DICER1: variants seen among roughly 807,000 people sequenced by gnomAD.
DICER1 encodes the protein endoribonuclease Dicer.
In DICER1, 43 loss-of-function variants were observed where a neutral mutation model predicts 194.1. The observed-to-expected ratio is 0.22, with a 90% CI of 0.17 to 0.29. DICER1 has a LOEUF of 0.29. DICER1 is among the 10% of genes least tolerant of loss of function. The pLI, the probability that DICER1 is intolerant of heterozygous loss-of-function variation, is 1.00. For missense variants in DICER1, 1,608 were observed against 2,317.0 expected, an observed-to-expected ratio of 0.69 and a Z score of 6.28; for synonymous variants, 832 against 820.5, an observed-to-expected ratio of 1.01 and a Z score of -0.24.
chr14:95,132,741 AT>A, intron 2 of DICER1, 64 bp from the exon 3 acceptor site: 1 of 1,506,194 alleles, frequency 6.6e-7, no homozygotes, highest in Non-Finnish European at 9.2e-7. Context: ...ATAAAATTGG[AT>A]TTTATTTTAA....
chr14:95,121,396 T>C (rs1463976294), intron 8 of DICER1, among the ~76,000 whole-genome samples: 5 of 152,322 alleles, frequency 3.3e-5, no homozygotes, highest in African/African-American at 1.2e-4. Context: ...GAGTTAATAG[T>C]AATGGGCCAA....
chr14:95,155,222 A>T (rs942549191), intron 1 of DICER1, among the ~76,000 whole-genome samples: 2 of 152,230 alleles, frequency 1.3e-5, no homozygotes, highest in African/African-American at 4.8e-5. Context: ...ATCTTGGCGC[A>T]TAACAAGGAG....
intron 25 of DICER1, 24 bp from the exon 26 acceptor site, chr14:95,091,133 T>G (rs1365602659): frequency 6.2e-7 from 1 of 1,613,846 alleles, no homozygotes; most frequent in Non-Finnish European, 8.5e-7. Context: ...GAAAGAATAA[T>G]ATGAATAATA....
chr14:95,106,345 C>A, intron 17 of DICER1, 122 bp from the exon 18 acceptor site: 1 of 763,056 alleles, frequency 1.3e-6, no homozygotes, highest in East Asian at 2.7e-5. Context: ...AAATAAGTAA[C>A]AATAAACATC....
intron 6 of DICER1, 50 bp downstream of exon 6, chr14:95,129,422 T>C (rs1263477613): frequency 8.9e-6 from 14 of 1,571,140 alleles, no homozygotes; most frequent in Non-Finnish European, 1.2e-5. Context: ...AAAGACTTAA[T>C]ATTGTTTTCA....
rs537009606 is a variant in DICER1, at chr14:95,087,533, AC to A, written c.*2964del. 100 of 233,050 alleles carry A rather than the reference AC, an allele frequency of 4.3e-4. No individual in the cohort carries two copies. The highest frequency in any genetic ancestry group is 7.3e-4 in the Non-Finnish European group (86 of 118,022). 14.4% of individuals were successfully genotyped at this position (233,050 alleles called of 1,614,324 possible). On this transcript the variant is annotated 3_prime_UTR_variant, in exon 27 of 27. Coordinates refer to ENST00000343455, the MANE Select transcript of DICER1 (RefSeq NM_177438.3). ...TAAATCAAAACAGCAGCAAGGCCAA[AC>A]CACATTTTTTTCCTCTCTGTTAAGC...
Position 95,129,566 on chromosome 14 carries a change from AT to A in DICER1, c.639del (p.Lys213AsnfsTer14). 6.2e-7 allele frequency: 1 copy of A among 1,613,776 alleles called. No homozygotes were observed. The highest frequency in any genetic ancestry group is 8.5e-7 in the Non-Finnish European group (1 of 1,179,870). ...TTTTCTTCCAATTCCTCTGGATCAC[AT>A]TTCCCATTTAAAATGGAAGCAGTTA... ...LGLTASILNG[K>X]CDPEELEEKI... is the part of the protein sequence containing the mutation. On this transcript the variant is annotated frameshift_variant, in exon 6 of 27. Transcript: ENST00000343455. LOFTEE classifies it high-confidence loss of function.
chr14:95,099,652 T>C, intron 22 of DICER1, 128 bp downstream of exon 22: 1 of 1,248,976 alleles, frequency 8.0e-7, no homozygotes, highest in South Asian at 1.6e-5. Flanking sequence ...ATCTACTCTA[T>C]TATAAACATA....
At chr14:95,154,973 G>GTCAC (rs1472561845) in intron 1 of DICER1, among the ~76,000 whole-genome samples, 6 of 151,974 alleles carry the variant, frequency 3.9e-5, no homozygotes, top group Non-Finnish European at 8.8e-5. Flanking sequence ...TAACTGAGGA[G>GTCAC]TCACTACACG....
At chr14:95,115,623 T>C in intron 11 of DICER1, 44 bp downstream of exon 11, 3 of 1,607,730 alleles carry the variant, frequency 1.9e-6, no homozygotes, top group Non-Finnish European at 2.6e-6. Flanking sequence ...ACTTAAACTG[T>C]GCAACATTCC....
Position 95,105,257 on chromosome 14 carries a change from G to T in DICER1, c.3094-11C>A, listed in dbSNP as rs1891311395. 1 of 1,611,090 alleles carries T rather than the reference G, an allele frequency of 6.2e-7. No individual in the cohort carries two copies. Among genetic ancestry groups the T allele is most frequent in the Non-Finnish European group, 8.5e-7 (1 of 1,178,030 alleles). The stretch of plus-strand genomic sequence containing the variant: ...TTCTGGAACCAGTATCTTCAAGTAA[G>T]GGGAAAAATGGACAGATAAATACAA... On this transcript the variant is annotated splice_polypyrimidine_tract_variant and intron_variant, in intron 19 of 26. Coordinates refer to ENST00000343455, the MANE Select transcript of DICER1 (RefSeq NM_177438.3). This position sits in a 1 kb window ranked among gnomAD's most constrained non-coding sequence, Gnocchi z 4.9.
At chr14:95,130,341 T>C (rs949182880) in intron 4 of DICER1, 149 bp from the exon 5 acceptor site, 8 of 728,276 alleles carry the variant, frequency 1.1e-5, no homozygotes, top group Non-Finnish European at 1.4e-5. Context: ...ATACATATAA[T>C]TTTATACATC....
rs752424727 is a variant in DICER1 at position 95,115,796 on chromosome 14, G to A, written c.1778C>T (p.Ser593Leu). The part of the protein sequence containing the change: ...EKILRNKCSK[S>L]VDTGETDIDP... ...AATGTCAGTCTCACCAGTATCAACC[G>A]ACTTGGAACACTTGTTTCTCAAGAT... is the stretch of plus-strand genomic sequence containing the variant. Residue 593 changes from serine to leucine, a missense_variant, in exon 11 of 27, where the codon TCG (serine) becomes TTG (leucine). By Grantham distance (145) the Ser-to-Leu change is moderately radical. This residue lies in a region of DICER1 where 657 missense variants were observed against 910.1 expected (regional missense o/e 0.72). Coordinates refer to ENST00000343455, the MANE Select transcript of DICER1 (RefSeq NM_177438.3). The A allele has an allele frequency of 2.5e-6, 4 of 1,613,946 alleles. No homozygotes were observed. The highest frequency in any genetic ancestry group is 1.1e-5 in the South Asian group (1 of 91,086).
At chr14:95,116,309 C>T in intron 10 of DICER1, 144 bp downstream of exon 10, 1 of 1,034,978 alleles carries the variant, frequency 9.7e-7, no homozygotes, top group South Asian at 1.5e-5. Flanking sequence ...AACTTCCTTA[C>T]AATGTACACA....
chr14:95,110,661 T>C (rs1282167892), intron 14 of DICER1, among the ~76,000 whole-genome samples: 2 of 152,140 alleles, frequency 1.3e-5, no homozygotes, highest in South Asian at 2.1e-4. Flanking sequence ...AAATTCTGCT[T>C]TTGCTTGGGG....
Position 95,104,267 on chromosome 14 carries a change from T to A in DICER1, c.3270-141A>T. Reference sequence around the variant, plus strand: ...TTAGAATAGAAGCAAGTTTCCAAATTTTTAATTTACAGTGTAAATTATAAA... The same window carrying A: ...TTAGAATAGAAGCAAGTTTCCAAATATTTAATTTACAGTGTAAATTATAAA... On this transcript the variant is annotated intron_variant, in intron 20 of 26. Coordinates refer to ENST00000343455, the MANE Select transcript of DICER1 (RefSeq NM_177438.3). The A allele has an allele frequency of 1.3e-5, 9 of 718,908 alleles. No homozygotes were observed. The South Asian group carries it at 1.6e-4, about 13-fold the overall frequency. 44.5% of individuals were successfully genotyped at this position (718,908 alleles called of 1,614,324 possible).
At position 95,137,516 on chromosome 14, in the gene DICER1, AAAAGGGAAAGGGG is replaced by A. The variant is rs1282849106; in HGVS notation, c.-45-4026_-45-4014del. ...GGGAAGGGAAAGGGGAAGGGGAAGG[AAAAGGGAAAGGGG>A]AAAGGGAAAGAAAAAGGGGAAGGGA... On this transcript the variant is annotated intron_variant, in intron 1 of 26. Coordinates refer to ENST00000343455, the MANE Select transcript of DICER1 (RefSeq NM_177438.3). Among the ~76,000 whole-genome samples the A allele has an allele frequency of 2.9e-5, 4 of 140,348 alleles. No homozygotes were observed. In the South Asian group the frequency reaches 1.0e-3, roughly 35 times the overall value. The allele number at this position is 140,348 out of a possible 152,430, so 92.1% of individuals were successfully genotyped here. A position where few individuals can be genotyped will look rare whatever the true frequency, so the allele number is the denominator to read the frequency against.
chr14:95,122,585 A>G (rs1433115591), intron 8 of DICER1, among the ~76,000 whole-genome samples: 1 of 152,194 alleles, frequency 6.6e-6, no homozygotes, highest in African/African-American at 2.4e-5. Context: ...GGAAACTAGG[A>G]GTCAGGATAT....
rs185088366 is a variant in DICER1 at position 95,087,264 on chromosome 14, C to A, written c.*3234G>T. 313 of 233,172 alleles carry A rather than the reference C, an allele frequency of 1.3e-3. 3 individuals are homozygous for A. Among genetic ancestry groups the A allele is most frequent in the Non-Finnish European group, 6.6e-4 (78 of 117,810 alleles). The allele number at this position is 233,172 out of a possible 1,614,324, so 14.4% of individuals were successfully genotyped here. Reference sequence around the variant, plus strand: ...AAGTATTATTAACAAATAAAAATATCAGTATTTTAAAAGACAATTACAGGA... The same window carrying A: ...AAGTATTATTAACAAATAAAAATATAAGTATTTTAAAAGACAATTACAGGA... On this transcript the variant is annotated 3_prime_UTR_variant, in exon 27 of 27. Coordinates refer to ENST00000343455, the MANE Select transcript of DICER1 (RefSeq NM_177438.3).
Sources: allele counts gnomAD v4.1 joint callset (sites outside exome capture counted in the v4.1 genomes callset), GRCh38; gene constraint gnomAD v4.1.1; regional missense constraint gnomAD v4.1.1; non-coding constraint Gnocchi (gnomAD v3.1); transcripts MANE v1.5; gene names NCBI Gene and HGNC (gene_info 2026-07-23, HGNC 2026-07-21).